The following RPS6KA2 variants were observed in gnomAD, a reference collection of about 807,000 sequenced individuals.
RPS6KA2 encodes the protein ribosomal protein S6 kinase A2, also known as ribosomal protein S6 kinase alpha-2.
Under a neutral mutation model 91.8 loss-of-function variants are expected in RPS6KA2, and 42 were observed. The observed-to-expected ratio is 0.46, with a 90% confidence interval of 0.36 to 0.59. The LOEUF (loss-of-function observed/expected upper bound fraction) is 0.59. Ranked by LOEUF, RPS6KA2 falls within the 20% of genes least tolerant of loss-of-function variation. The probability of loss-of-function intolerance (pLI) is 0.00; values close to 1 mark genes in which losing one functional copy is unlikely to be tolerated. For synonymous variants in RPS6KA2, 414 were observed against 393.6 expected (o/e 1.05, Z -0.61); for missense variants, 798 against 978.5 (o/e 0.82, Z 2.46).
At chr6:166,735,245 T>C (rs1790642983) in intron 2 of RPS6KA2, among the ~76,000 whole-genome samples, 2 of 152,194 alleles carry the variant, frequency 1.3e-5, no homozygotes, top group Non-Finnish European at 2.9e-5. Context: ...TTATAGCAAT[T>C]ATTTGCAAAA....
At chr6:166,760,625 C>T (rs908889178) in intron 2 of RPS6KA2, among the ~76,000 whole-genome samples, 8 of 152,218 alleles carry the variant, frequency 5.3e-5, no homozygotes, top group Non-Finnish European at 1.2e-4. Context: ...CAAAAATGCT[C>T]ATCTTTCCTG....
chr6:166,687,142 G>A (rs1174464780), intron 2 of RPS6KA2, among the ~76,000 whole-genome samples: 7 of 152,230 alleles, frequency 4.6e-5, no homozygotes, highest in African/African-American at 1.2e-4. Context: ...CTGCCTCCAC[G>A]GTCTCTGTGG....
At chr6:166,797,953 G>C (rs1372250923) in intron 2 of RPS6KA2, among the ~76,000 whole-genome samples, 1 of 152,014 alleles carries the variant, frequency 6.6e-6, no homozygotes. Flanking sequence ...GGAGTAAAAG[G>C]CAAGAGTGAA....
intron 2 of RPS6KA2, among the ~76,000 whole-genome samples, chr6:166,714,665 G>A (rs773025343): frequency 1.2e-4 from 18 of 152,128 alleles, no homozygotes; most frequent in Non-Finnish European, 2.4e-4. Flanking sequence ...CACCCGAACC[G>A]CCTGAAGCAC....
intron 3 of RPS6KA2, among the ~76,000 whole-genome samples, chr6:166,517,442 G>A (rs1232084020): frequency 7.5e-5 from 10 of 132,626 alleles, no homozygotes; most frequent in South Asian, 7.0e-4. Context: ...CACTTAAGGC[G>A]TTCTTTTGTT....
chr6:166,669,704 C>G (rs75420597), intron 2 of RPS6KA2, among the ~76,000 whole-genome samples: 5,368 of 152,310 alleles, frequency 0.035, 190 homozygotes, highest in South Asian at 0.15. Flanking sequence ...CCAGCCTGAC[C>G]CACCGCGTTT....
At chr6:166,827,629 T>C (rs1047122017) in intron 2 of RPS6KA2, among the ~76,000 whole-genome samples, 8 of 152,214 alleles carry the variant, frequency 5.3e-5, no homozygotes, top group Non-Finnish European at 1.2e-4. Context: ...TAACATTCTG[T>C]TGCGTACTGA....
chr6:166,764,334 G>C (rs1778249826), intron 2 of RPS6KA2, among the ~76,000 whole-genome samples: 1 of 152,222 alleles, frequency 6.6e-6, no homozygotes, highest in Non-Finnish European at 1.5e-5. Flanking sequence ...GCGGGAGGAA[G>C]AGTGGGAGGC....
chr6:166,499,106 C>T (rs565535590), intron 7 of RPS6KA2, among the ~76,000 whole-genome samples: 8 of 152,268 alleles, frequency 5.3e-5, no homozygotes, highest in South Asian at 2.1e-4. Context: ...TGCCCTGCCC[C>T]GACAACACGA....
Position 166,412,664 on chromosome 6 carries a change from G to T in RPS6KA2, c.*98C>A. On this transcript the variant is annotated 3_prime_UTR_variant, in exon 21 of 21. Transcript: ENST00000265678. The surrounding 1 kb of genome is among the most constrained non-coding windows in gnomAD (Gnocchi z 4.3). ...GAGGGCGGGCGCCGCCTCCCTGCTG[G>T]ACTTGTGGTCACTCTGGGTGCCAGA... The T allele has an allele frequency of 7.9e-7, 1 of 1,264,378 alleles. No homozygotes were observed. The highest frequency in any genetic ancestry group is 1.1e-6 in the Non-Finnish European group (1 of 933,736). 78.3% of individuals were successfully genotyped at this position (1,264,378 alleles called of 1,614,324 possible).
intron 1 of RPS6KA2, among the ~76,000 whole-genome samples, chr6:166,609,527 G>GTT (rs1786085441): frequency 1.4e-5 from 2 of 140,874 alleles, no homozygotes; most frequent in South Asian, 4.5e-4. Flanking sequence ...TTTTTTTTGA[G>GTT]ACAGAGTTTT....
At chr6:166,430,887 T>C (rs1407245652) in intron 15 of RPS6KA2, among the ~76,000 whole-genome samples, 3 of 152,174 alleles carry the variant, frequency 2.0e-5, no homozygotes, top group Admixed American at 6.5e-5. Context: ...CTGAGATGAA[T>C]GGCTTCATGA....
At chr6:166,802,932 A>ATG (rs71804902) in intron 2 of RPS6KA2, among the ~76,000 whole-genome samples, 28 of 146,800 alleles carry the variant, frequency 1.9e-4, no homozygotes, top group African/African-American at 5.6e-4. Flanking sequence ...ATGTATGTAT[A>ATG]TGTGTGTGTG....
intron 1 of RPS6KA2, among the ~76,000 whole-genome samples, chr6:166,599,871 C>T (rs933775848): frequency 5.3e-5 from 8 of 152,134 alleles, no homozygotes; most frequent in Non-Finnish European, 8.8e-5. Flanking sequence ...GCGTCACTCT[C>T]AAGGCCTAGA....
intron 2 of RPS6KA2, among the ~76,000 whole-genome samples, chr6:166,844,197 G>A (rs1301672413): frequency 6.6e-6 from 1 of 151,930 alleles, no homozygotes; most frequent in Non-Finnish European, 1.5e-5. Flanking sequence ...CAAGGCTTTC[G>A]AATTAACCCA....
chr6:166,852,523 C>T lies in RPS6KA2; in HGVS notation c.123+5677G>A, dbSNP rs1329320083. Among the ~76,000 whole-genome samples the T allele has an allele frequency of 2.0e-5, 3 of 152,188 alleles. No individual in the cohort carries two copies. Among genetic ancestry groups the T allele is most frequent in the Admixed American group, 6.5e-5 (1 of 15,280 alleles). ...CACAGGCGGTTTAGCCTGTCCCGGGCCATATCCTGCTGGAGCTTTGGCCCA... is the reference window on the plus strand; with the variant it reads ...CACAGGCGGTTTAGCCTGTCCCGGGTCATATCCTGCTGGAGCTTTGGCCCA... On this transcript the variant is annotated intron_variant, in intron 2 of 21. Transcript: ENST00000503859. The surrounding 1 kb of genome is among the most constrained non-coding windows in gnomAD (Gnocchi z 4.1).
intron 1 of RPS6KA2, among the ~76,000 whole-genome samples, chr6:166,616,957 G>A (rs1342066577): frequency 3.3e-5 from 5 of 152,234 alleles, no homozygotes; most frequent in African/African-American, 7.2e-5. Flanking sequence ...AAATGAATGT[G>A]GGAGAAAGAA....
intron 2 of RPS6KA2, among the ~76,000 whole-genome samples, chr6:166,823,358 G>A (rs1369716775): frequency 2.0e-5 from 3 of 151,906 alleles, no homozygotes; most frequent in Admixed American, 6.6e-5. Context: ...TCAGATAACT[G>A]GTGAAAGTCA....
At chr6:166,470,034 C>T in intron 10 of RPS6KA2, 129 bp from the exon 11 acceptor site, 1 of 790,704 alleles carries the variant, frequency 1.3e-6, no homozygotes, top group Non-Finnish European at 2.1e-6. Flanking sequence ...AGAGGCTGCT[C>T]ACTCCTGCCC....
Sources: allele counts gnomAD v4.1 joint callset (sites outside exome capture counted in the v4.1 genomes callset), GRCh38; gene constraint gnomAD v4.1.1; non-coding constraint Gnocchi (gnomAD v3.1); transcripts MANE v1.5; gene names NCBI Gene and HGNC (gene_info 2026-07-23, HGNC 2026-07-21).